The following MYCBP2 variants were observed in gnomAD, a reference collection of about 807,000 sequenced individuals.
MYCBP2 encodes the protein MYC binding protein 2.
A neutral mutation model predicts 525.3 loss-of-function variants in MYCBP2; 120 were observed. That is an observed-to-expected ratio of 0.23 (90% CI 0.20 to 0.27). The LOEUF is 0.27. Among genes scored for constraint, MYCBP2 ranks in the 10% least tolerant of loss-of-function variants. The pLI, the probability that MYCBP2 is intolerant of heterozygous loss-of-function variation, is 1.00. For missense variants in MYCBP2, 4,149 were observed against 5,657.1 expected, an observed-to-expected ratio of 0.73 and a Z score of 8.55; for synonymous variants, 1,894 against 1,955.8, an observed-to-expected ratio of 0.97 and a Z score of 0.83.
chr13:77,319,167 C>T (rs1448358521), intron 1 of MYCBP2, among the ~76,000 whole-genome samples: 1 of 152,022 alleles, frequency 6.6e-6, no homozygotes, highest in African/African-American at 2.4e-5. Context: ...ATCCAGCACC[C>T]CGAACTAGGT....
At chr13:77,147,446 C>T (rs1453435556) in intron 47 of MYCBP2, among the ~76,000 whole-genome samples, 2 of 152,092 alleles carry the variant, frequency 1.3e-5, no homozygotes, top group Non-Finnish European at 2.9e-5. Flanking sequence ...ATGCCTGCAA[C>T]ATTAGCAAAG....
At chr13:77,211,396 T>G (rs905562126) in intron 22 of MYCBP2, 76 bp from the exon 23 acceptor site, 2 of 725,072 alleles carry the variant, frequency 2.8e-6, no homozygotes, top group Non-Finnish European at 1.8e-6. Context: ...TAAAGTAGTA[T>G]TATCTCCATT....
At chr13:77,146,658 G>A (rs1321778979) in intron 47 of MYCBP2, among the ~76,000 whole-genome samples, 1 of 152,096 alleles carries the variant, frequency 6.6e-6, no homozygotes, top group Non-Finnish European at 1.5e-5. Context: ...GAAGAAATCT[G>A]AAAGGTCAAT....
chr13:77,078,313 GT>G (rs2154099043), intron 66 of MYCBP2, among the ~76,000 whole-genome samples: 1 of 152,280 alleles, frequency 6.6e-6, no homozygotes, highest in East Asian at 1.9e-4. Flanking sequence ...ATTTGACAAA[GT>G]TTCATGAATA....
chr13:77,086,421 C>T (rs1453631796), intron 62 of MYCBP2, among the ~76,000 whole-genome samples: 1 of 152,022 alleles, frequency 6.6e-6, no homozygotes, highest in Non-Finnish European at 1.5e-5. Flanking sequence ...TATAATTTGT[C>T]CACCATGATT....
Position 77,098,870 on chromosome 13 carries a change from C to T in MYCBP2, c.8284G>A (p.Glu2762Lys). 6.2e-7 allele frequency: 1 copy of T among 1,613,684 alleles called. No individual in the cohort carries two copies. The highest frequency in any genetic ancestry group is 8.5e-7 in the Non-Finnish European group (1 of 1,179,738). Residue 2762 changes from glutamate to lysine, a missense_variant, in exon 56 of 83, where the codon GAA becomes AAA. Glu to Lys is a moderately conservative substitution (Grantham distance 56, BLOSUM62 1). This residue lies in a region of MYCBP2 where 653 missense variants were observed against 744.7 expected (regional missense o/e 0.88). Coordinates refer to ENST00000544440, the MANE Select transcript of MYCBP2 (RefSeq NM_015057.5). ...AGGGATTCACTAGCAGATAAACTTTCTGTGCCCCTTGGCTTCTTCTGATCA... is the reference window on the plus strand; with the variant it reads ...AGGGATTCACTAGCAGATAAACTTTTTGTGCCCCTTGGCTTCTTCTGATCA... ...TADQKKPRGT[E>K]SLSASESLIL...
chr13:77,175,582 T>C (rs2059615903), intron 36 of MYCBP2, among the ~76,000 whole-genome samples: 1 of 152,240 alleles, frequency 6.6e-6, no homozygotes, highest in South Asian at 2.1e-4. Flanking sequence ...GAAATTTATT[T>C]CAGTTGAATT....
chr13:77,157,890 A>G lies in MYCBP2; in HGVS notation c.6770+47T>C, dbSNP rs756776733. The G allele has an allele frequency of 7.5e-6, 11 of 1,476,350 alleles. No homozygotes were observed. The African/African-American group carries it at 1.4e-4, about 19-fold the overall frequency. The allele number at this position is 1,476,350 out of a possible 1,614,324, so 91.5% of individuals were successfully genotyped here. On this transcript the variant is annotated intron_variant, in intron 45 of 82. Transcript: ENST00000544440. ...TGACTCCCCTCTTTCAGAAATGAAGAAAGATGAAAGCCCTAAAATAAAGTA... is the reference window on the plus strand; with the variant it reads ...TGACTCCCCTCTTTCAGAAATGAAGGAAGATGAAAGCCCTAAAATAAAGTA...
At position 77,180,317 on chromosome 13, in the gene MYCBP2, C is replaced by T. The variant is rs1194644728; in HGVS notation, c.4943G>A (p.Ser1648Asn). The change falls in exon 34 of 83, where the codon AGT becomes AAT. Residue 1648 changes from serine to asparagine, a missense_variant and splice_region_variant. Ser to Asn is a conservative substitution (Grantham distance 46). Coordinates refer to ENST00000544440, the MANE Select transcript of MYCBP2 (RefSeq NM_015057.5). ...TGTCATCCCTGAGATATTCTCTTCA[C>T]TCTGCGATACATAAGAAAAAGTTCT... ...LVAHMEKLSQ[S>N]EENISGMTSF... is the part of the protein sequence containing the mutation. 1 of 1,613,500 alleles carries T rather than the reference C, an allele frequency of 6.2e-7. No homozygotes were observed. Among genetic ancestry groups the T allele is most frequent in the Admixed American group, 1.7e-5 (1 of 59,940 alleles).
intron 55 of MYCBP2, among the ~76,000 whole-genome samples, chr13:77,109,284 A>G (rs1437641616): frequency 6.6e-6 from 1 of 152,188 alleles, no homozygotes; most frequent in Non-Finnish European, 1.5e-5. Context: ...ATCATCAGGC[A>G]TTAGATTCTC....
intron 15 of MYCBP2, among the ~76,000 whole-genome samples, chr13:77,244,725 G>A (rs1212238962): frequency 3.3e-5 from 5 of 152,120 alleles, no homozygotes; most frequent in Admixed American, 2.6e-4. Context: ...AGAGTGAACA[G>A]GCAACCTACA....
At chr13:77,080,321 G>A (rs2043081609) in intron 65 of MYCBP2, among the ~76,000 whole-genome samples, 1 of 152,128 alleles carries the variant, frequency 6.6e-6, no homozygotes. Context: ...TCCTGAGAAA[G>A]GAAATATGCA....
At chr13:77,233,920 A>T (rs986727377) in intron 17 of MYCBP2, among the ~76,000 whole-genome samples, 32 of 151,810 alleles carry the variant, frequency 2.1e-4, no homozygotes, top group Admixed American at 1.6e-3. Context: ...CTTTATATTG[A>T]TGGTAAAGGG....
intron 23 of MYCBP2, among the ~76,000 whole-genome samples, chr13:77,208,208 T>C (rs2154278311): frequency 6.6e-6 from 1 of 152,298 alleles, no homozygotes; most frequent in East Asian, 1.9e-4. Context: ...TCAGAAAAAG[T>C]ACAGGGCACA....
chr13:77,254,463 A>G (rs2071801809), intron 14 of MYCBP2, among the ~76,000 whole-genome samples: 1 of 151,854 alleles, frequency 6.6e-6, no homozygotes, highest in South Asian at 2.1e-4. Context: ...CCTGGTTTAA[A>G]TAAACTTTTA....
At chr13:77,217,349 G>C (rs980151181) in intron 21 of MYCBP2, among the ~76,000 whole-genome samples, 13 of 152,186 alleles carry the variant, frequency 8.5e-5, no homozygotes, top group African/African-American at 2.9e-4. Context: ...GGTGCAGAGA[G>C]AGGGAGAGAA....
chr13:77,131,030 A>G (rs2052696430), intron 52 of MYCBP2, among the ~76,000 whole-genome samples: 1 of 152,196 alleles, frequency 6.6e-6, no homozygotes. Flanking sequence ...TAAATTGCCA[A>G]TAAAATCAAT....
chr13:77,089,565 G>C (rs551929823), intron 60 of MYCBP2, among the ~76,000 whole-genome samples: 34 of 151,498 alleles, frequency 2.2e-4, no homozygotes, highest in African/African-American at 7.8e-4. Flanking sequence ...TGTTCTTCTT[G>C]GGTTTTTAAA....
At chr13:77,164,948 C>T (rs1173374035) in intron 42 of MYCBP2, among the ~76,000 whole-genome samples, 2 of 152,180 alleles carry the variant, frequency 1.3e-5, no homozygotes, top group Non-Finnish European at 2.9e-5. Context: ...CAAACTCCAT[C>T]CTCTTCATGT....
Sources: gnomAD v4.1 joint callset for allele counts (sites outside exome capture counted in the v4.1 genomes callset) on GRCh38, gnomAD v4.1.1 for gene constraint, gnomAD v4.1.1 regional missense constraint, MANE v1.5 for transcripts, NCBI Gene and HGNC (gene_info 2026-07-23, HGNC 2026-07-21) for gene names.